Variants in IQSEC1 observed in about 807,000 individuals in gnomAD.
IQSEC1 encodes IQ motif and SEC7 domain-containing protein 1.
IQSEC1 carries 31 observed loss-of-function variants against 91.0 expected under a neutral mutation model. The observed-to-expected ratio is 0.34, with a 90% confidence interval of 0.26 to 0.46. The LOEUF is 0.46. IQSEC1 is among the 20% of genes least tolerant of loss of function. IQSEC1 has a pLI of 1.00. For missense variants in IQSEC1, 1,388 were observed against 1,575.6 expected (o/e 0.88, Z 2.02); for synonymous variants, 699 against 662.6 (o/e 1.05, Z -0.84).
At chr3:13,277,100 C>A (rs185230652) in intron 1 of IQSEC1, among the ~76,000 whole-genome samples, 3 of 100,794 alleles carry the variant, frequency 3.0e-5, no homozygotes, top group Non-Finnish European at 5.3e-5. Flanking sequence ...AAGCATTGCT[C>A]CTCCTTAAAA....
At chr3:13,042,150 C>T (rs1426043914) in intron 1 of IQSEC1, 1 of 152,290 alleles carries the variant, frequency 6.6e-6, no homozygotes, top group Non-Finnish European at 1.5e-5. Context: ...ACGACAAACG[C>T]TGCTGCTGGT....
chr3:12,900,743 C>T lies in IQSEC1; in HGVS notation c.*240G>A, dbSNP rs1029908825. The T allele has an allele frequency of 2.1e-6, 3 of 1,419,894 alleles. No homozygotes were observed. Among genetic ancestry groups the T allele is most frequent in the Admixed American group, 6.0e-5 (2 of 33,450 alleles). The allele number at this position is 1,419,894 out of a possible 1,614,324, so 88.0% of individuals were successfully genotyped here. A position where few individuals can be genotyped will look rare whatever the true frequency, so the allele number is the denominator to read the frequency against. Reference sequence around the variant, plus strand: ...TTCAAGGCTGATGGTGTCTGAGGCCCACCCATCCCTCAGACTGAGGTGAGC... The same window carrying T: ...TTCAAGGCTGATGGTGTCTGAGGCCTACCCATCCCTCAGACTGAGGTGAGC... On this transcript the variant is annotated 3_prime_UTR_variant, in exon 14 of 14. Coordinates refer to ENST00000613206, the MANE Select transcript of IQSEC1 (RefSeq NM_001134382.3).
rs1026374536 is a variant in IQSEC1 at position 13,211,896 on chromosome 3, C to T, written c.273-47763G>A. 2.0e-5 allele frequency among the ~76,000 whole-genome samples: 3 copies of T among 152,248 alleles called. No individual in the cohort carries two copies. The highest frequency in any genetic ancestry group is 1.3e-4 in the Admixed American group (2 of 15,290). ...CCACGCTGGTTTCGTGTCCACAGAA[C>T]CTTTCCGTGGCCAGAGGACCCGAAA... On this transcript the variant is annotated intron_variant, in intron 1 of 15. Coordinates refer to the IQSEC1 transcript ENST00000648114. This position sits in a 1 kb window ranked among gnomAD's most constrained non-coding sequence, Gnocchi z 5.3.
intron 2 of IQSEC1, among the ~76,000 whole-genome samples, chr3:13,137,497 A>G (rs1706730453): frequency 6.6e-6 from 1 of 152,230 alleles, no homozygotes; most frequent in African/African-American, 2.4e-5. Context: ...TATCATCTCA[A>G]CATCTGCAGT....
intron 1 of IQSEC1, among the ~76,000 whole-genome samples, chr3:12,984,402 G>A (rs1427618046): frequency 6.6e-6 from 1 of 152,226 alleles, no homozygotes; most frequent in Non-Finnish European, 1.5e-5. Context: ...GCCCAGGGCT[G>A]AGCTAACAAG....
intron 1 of IQSEC1, among the ~76,000 whole-genome samples, chr3:13,197,020 C>T (rs1057295091): frequency 1.3e-5 from 2 of 152,050 alleles, no homozygotes; most frequent in African/African-American, 2.4e-5. Context: ...GCAGTTAAGA[C>T]CCTTGCCACG....
chr3:13,248,232 C>A (rs1471860066), intron 1 of IQSEC1, among the ~76,000 whole-genome samples: 2 of 152,188 alleles, frequency 1.3e-5, no homozygotes, highest in African/African-American at 4.8e-5. Context: ...CCAGCATCTA[C>A]GTGGGTTCAG....
At chr3:13,042,718 G>A (rs1032058452) in intron 1 of IQSEC1, among the ~76,000 whole-genome samples, 1 of 152,114 alleles carries the variant, frequency 6.6e-6, no homozygotes, top group African/African-American at 2.4e-5. Flanking sequence ...ATCCTGGGGG[G>A]TCTGGATGCT....
chr3:13,001,328 G>A (rs1192943872), intron 1 of IQSEC1, among the ~76,000 whole-genome samples: 2 of 152,138 alleles, frequency 1.3e-5, no homozygotes, highest in Non-Finnish European at 2.9e-5. Flanking sequence ...AGATGCATGA[G>A]GTTGGACATT....
intron 1 of IQSEC1, among the ~76,000 whole-genome samples, chr3:13,201,682 G>A (rs894428194): frequency 2.6e-5 from 4 of 152,164 alleles, no homozygotes; most frequent in Admixed American, 6.5e-5. Flanking sequence ...GACCCACGGG[G>A]TCACAGGCAT....
At chr3:13,234,491 C>T (rs1694891210) in intron 1 of IQSEC1, among the ~76,000 whole-genome samples, 1 of 152,204 alleles carries the variant, frequency 6.6e-6, no homozygotes, top group South Asian at 2.1e-4. Flanking sequence ...GGGAGACCCC[C>T]TCCCTTCCCT....
chr3:13,263,248 C>CAAACA (rs72372132), intron 1 of IQSEC1, among the ~76,000 whole-genome samples: 18 of 150,980 alleles, frequency 1.2e-4, no homozygotes, highest in East Asian at 3.9e-4. Flanking sequence ...GACCCTGTCT[C>CAAACA]AAACAAAACA....
At chr3:12,962,846 G>C (rs971658862) in intron 1 of IQSEC1, among the ~76,000 whole-genome samples, 3 of 152,242 alleles carry the variant, frequency 2.0e-5, no homozygotes, top group Admixed American at 2.0e-4. Flanking sequence ...GGAAGGCCCG[G>C]TGAGTGGTCA....
At chr3:13,139,166 C>T (rs1022947342) in intron 2 of IQSEC1, among the ~76,000 whole-genome samples, 1 of 152,202 alleles carries the variant, frequency 6.6e-6, no homozygotes, top group South Asian at 2.1e-4. Flanking sequence ...ATTTTAACAA[C>T]GAGAAACTCA....
chr3:13,138,676 G>T (rs956593764), intron 2 of IQSEC1, among the ~76,000 whole-genome samples: 7 of 152,086 alleles, frequency 4.6e-5, no homozygotes, highest in African/African-American at 1.7e-4. Flanking sequence ...TGGCCCTATT[G>T]TGCCACCATG....
chr3:13,244,683 C>G lies in IQSEC1; in HGVS notation c.272+38028G>C, dbSNP rs367616584. ...TCCCAGCCTCAGCAGCTGGGGCATG[C>G]GATAAATCAGTGGCAAAGGAATCCT... On this transcript the variant is annotated intron_variant, in intron 1 of 15. Transcript: ENST00000648114. Among the ~76,000 whole-genome samples, 18 of 152,262 alleles carry G rather than the reference C, an allele frequency of 1.2e-4. No homozygotes were observed. In the East Asian group the frequency reaches 1.9e-3, roughly 16 times the overall value.
In IQSEC1 at chr3:12,985,952, A is replaced by G. The variant is rs115871589; in HGVS notation, c.24-44087T>C. On this transcript the variant is annotated intron_variant, in intron 1 of 13. Coordinates refer to ENST00000613206, the MANE Select transcript of IQSEC1 (RefSeq NM_001134382.3). ...GAATTTCAGAAGATGAAGGGACCCC[A>G]GATACTGACCTTCTCTGTAAAAATG... Among the ~76,000 whole-genome samples, 1,414 of 152,346 alleles carry G rather than the reference A, an allele frequency of 9.3e-3. 22 individuals carry two copies. Among genetic ancestry groups the G allele is most frequent in the African/African-American group, 0.033 (1,363 of 41,578 alleles).
chr3:12,900,954 AGGGAGCCT>A lies in IQSEC1; in HGVS notation c.*21_*28del. ...GCCCTGTGTGGTGTGCAGGTGTTTC[AGGGAGCCT>A]GGGACCCCTACCCAGGCTGTCTACA... On this transcript the variant is annotated 3_prime_UTR_variant, in exon 14 of 14. Transcript: ENST00000613206. 6.5e-7 allele frequency: 1 copy of A among 1,539,746 alleles called. No individual in the cohort carries two copies. Among genetic ancestry groups the A allele is most frequent in the African/African-American group, 1.4e-5 (1 of 73,036 alleles).
At chr3:13,216,883 C>A (rs1254796167) in intron 1 of IQSEC1, among the ~76,000 whole-genome samples, 1 of 152,172 alleles carries the variant, frequency 6.6e-6, no homozygotes, top group Non-Finnish European at 1.5e-5. Flanking sequence ...ACGCTTTCTC[C>A]CGATGAGTTT....
Sources: gnomAD v4.1 joint callset for allele counts (sites outside exome capture counted in the v4.1 genomes callset) on GRCh38, gnomAD v4.1.1 for gene constraint, Gnocchi (gnomAD v3.1) non-coding constraint, MANE v1.5 for transcripts, NCBI Gene and HGNC (gene_info 2026-07-23, HGNC 2026-07-21) for gene names.